Variants in ADCY9 observed in about 807,000 individuals in gnomAD.
ADCY9 encodes adenylate cyclase 9.
A neutral mutation model predicts 101.5 loss-of-function variants in ADCY9; 50 were observed. The ratio of observed to expected loss-of-function variants is 0.49; its 90% CI spans 0.39 to 0.62. The LOEUF is 0.62. Ranked by LOEUF, ADCY9 falls within the 20% of genes least tolerant of loss-of-function variation. ADCY9 has a pLI of 0.00. For synonymous variants in ADCY9, 905 were observed against 769.3 expected (o/e 1.18, Z -2.92); for missense variants, 1,662 against 1,800.4 (o/e 0.92, Z 1.39).
chr16:4,012,772 A>G (rs1418399158), intron 2 of ADCY9, among the ~76,000 whole-genome samples: 1 of 152,228 alleles, frequency 6.6e-6, no homozygotes, highest in Non-Finnish European at 1.5e-5. Flanking sequence ...CACTTTGCAC[A>G]TAGTGGTGAT....
At chr16:4,069,315 A>G (rs985174147) in intron 2 of ADCY9, among the ~76,000 whole-genome samples, 1 of 143,204 alleles carries the variant, frequency 7.0e-6, no homozygotes, top group Non-Finnish European at 1.5e-5. Flanking sequence ...GGGATTGTAC[A>G]TTTAGCCCAC....
At chr16:4,051,662 G>C (rs924240424) in intron 2 of ADCY9, among the ~76,000 whole-genome samples, 1 of 152,144 alleles carries the variant, frequency 6.6e-6, no homozygotes, top group Non-Finnish European at 1.5e-5. Flanking sequence ...AAATGATAAT[G>C]GTAATGAATT....
intron 5 of ADCY9, among the ~76,000 whole-genome samples, chr16:3,990,175 T>C (rs565933429): frequency 2.1e-4 from 32 of 152,104 alleles, no homozygotes; most frequent in Non-Finnish European, 3.5e-4. Context: ...CAGAAGTAAA[T>C]TAGACGAGGC....
In ADCY9 at chr16:4,114,297, G is replaced by C; in HGVS notation, c.1146C>G (p.Phe382Leu). ...CGATCTGCTGCATCTTAAAAGGGCG[G>C]AAGGCTATAGGAGCTTTTTGGATGG... ...KSSIQKAPIA[F>L]RPFKMQQIEE... Residue 382 changes from phenylalanine to leucine, a missense_variant, in exon 2 of 11, where the codon TTC becomes TTG. By Grantham distance (22) the Phe-to-Leu change is conservative (BLOSUM62 0). This residue lies in a region of ADCY9 where 228 missense variants were observed against 301.1 expected (regional missense o/e 0.76). Coordinates refer to ENST00000294016, the MANE Select transcript of ADCY9 (RefSeq NM_001116.4). The surrounding 1 kb of genome is among the most constrained non-coding windows in gnomAD (Gnocchi z 4.3). 6.2e-7 allele frequency: 1 copy of C among 1,613,970 alleles called. No homozygotes were observed. Among genetic ancestry groups the C allele is most frequent in the Non-Finnish European group, 8.5e-7 (1 of 1,180,040 alleles).
chr16:4,033,466 G>T (rs1307982450), intron 2 of ADCY9, among the ~76,000 whole-genome samples: 1 of 135,256 alleles, frequency 7.4e-6, no homozygotes, highest in Non-Finnish European at 1.5e-5. Flanking sequence ...ACGGAGTCTT[G>T]CTCTGTCGCC....
intron 2 of ADCY9, among the ~76,000 whole-genome samples, chr16:4,026,033 A>C (rs996999290): frequency 1.3e-5 from 2 of 152,226 alleles, no homozygotes; most frequent in Admixed American, 6.5e-5. Flanking sequence ...GAAGTAAGGC[A>C]CTTAACTATT....
At chr16:4,021,307 G>A (rs1283837759) in intron 2 of ADCY9, among the ~76,000 whole-genome samples, 1 of 152,218 alleles carries the variant, frequency 6.6e-6, no homozygotes, top group Non-Finnish European at 1.5e-5. Flanking sequence ...ACAAGGCCAC[G>A]CCGGCAGCAG....
At position 3,979,124 on chromosome 16, in the gene ADCY9, T is replaced by C. The variant is rs372821407; in HGVS notation, c.2671A>G (p.Asn891Asp). Residue 891 changes from asparagine to aspartate, a missense_variant, in exon 8 of 11, where the codon AAC becomes GAC. Physicochemically the swap from Asn to Asp is conservative, Grantham distance 23 (BLOSUM62 1). Around this residue, in one of 5 missense-constraint regions of ADCY9, gnomAD observed 624 missense variants for 639.1 expected, o/e 0.98. Transcript: ENST00000294016. ...YSHVTSEYET[N>D]IHFPVFTGSA... ...GCTGAGCCTTTACTTACGTGTATGTTGGTCTCATATTCGGAGGTGACATGG... is the reference window on the plus strand; with the variant it reads ...GCTGAGCCTTTACTTACGTGTATGTCGGTCTCATATTCGGAGGTGACATGG... 7.0e-5 allele frequency: 113 copies of C among 1,614,226 alleles called. 1 individual carries two copies. Among genetic ancestry groups the C allele is most frequent in the South Asian group, 4.4e-4 (40 of 91,088 alleles).
In ADCY9 at chr16:3,963,143, T is replaced by TAC. The variant is rs1555504954; in HGVS notation, c.*2631_*2632insGT. On this transcript the variant is annotated 3_prime_UTR_variant, in exon 11 of 11. Transcript: ENST00000294016. ...ATATATATATATATATATATATATA[T>TAC]GGATATATAATTCGATCTGAGCTGG... 9.5e-3 allele frequency: 1,495 copies of TAC among 156,978 alleles called. 66 individuals are homozygous for TAC. Among genetic ancestry groups the TAC allele is most frequent in the African/African-American group, 0.033 (1,033 of 31,400 alleles). The allele number at this position is 156,978 out of a possible 1,614,324, so 9.7% of individuals were successfully genotyped here.
At chr16:4,070,863 T>C (rs1214184016) in intron 2 of ADCY9, among the ~76,000 whole-genome samples, 1 of 152,038 alleles carries the variant, frequency 6.6e-6, no homozygotes, top group Non-Finnish European at 1.5e-5. Flanking sequence ...GGAGGATTAC[T>C]TTGAGCCCAG....
chr16:4,005,520 T>G (rs1007561505), intron 3 of ADCY9, among the ~76,000 whole-genome samples: 1 of 152,220 alleles, frequency 6.6e-6, no homozygotes, highest in Non-Finnish European at 1.5e-5. Flanking sequence ...TGAGCCACCA[T>G]GCCCGGCCTT....
At chr16:4,058,304 A>G (rs560781874) in intron 2 of ADCY9, among the ~76,000 whole-genome samples, 3 of 151,912 alleles carry the variant, frequency 2.0e-5, no homozygotes, top group African/African-American at 7.2e-5. Context: ...GTCTCTACTA[A>G]AAATACAAAA....
At chr16:3,995,297 A>T (rs1390400005) in intron 3 of ADCY9, among the ~76,000 whole-genome samples, 1 of 152,112 alleles carries the variant, frequency 6.6e-6, no homozygotes, top group African/African-American at 2.4e-5. Flanking sequence ...GCCTGGTGGC[A>T]TGTGCCTGTA....
chr16:4,016,568 A>G (rs1032206015), intron 2 of ADCY9, among the ~76,000 whole-genome samples: 7 of 152,222 alleles, frequency 4.6e-5, no homozygotes, highest in African/African-American at 1.7e-4. Context: ...TCAAGCACAC[A>G]GTGTAGATGA....
rs549127944 is a variant in ADCY9 at position 4,028,338 on chromosome 16, G to A, written c.1694-20780C>T. Among the ~76,000 whole-genome samples the A allele has an allele frequency of 8.5e-5, 13 of 152,240 alleles. No homozygotes were observed. In the South Asian group the frequency reaches 1.0e-3, roughly 12 times the overall value. On this transcript the variant is annotated intron_variant, in intron 2 of 10. Coordinates refer to ENST00000294016, the MANE Select transcript of ADCY9 (RefSeq NM_001116.4). The stretch of plus-strand genomic sequence containing the variant: ...CAGCTCTGTTTATTACAGCCAAGAC[G>A]TGGGAATAATCCACGTGTCCAGCAG...
chr16:3,962,189 TGACTTTAAACA>T (rs2055944294), downstream of ADCY9, among the ~76,000 whole-genome samples: 1 of 152,162 alleles, frequency 6.6e-6, no homozygotes, highest in Non-Finnish European at 1.5e-5. Flanking sequence ...AGAGGCTCTA[TGACTTTAAACA>T]GATTCTGAAG....
chr16:4,031,422 C>G (rs1363261866), intron 2 of ADCY9, among the ~76,000 whole-genome samples: 1 of 152,164 alleles, frequency 6.6e-6, no homozygotes, highest in South Asian at 2.1e-4. Flanking sequence ...GGTTCTTGCA[C>G]AAATGTGTGT....
At chr16:4,088,110 C>T (rs2056951559) in intron 2 of ADCY9, among the ~76,000 whole-genome samples, 1 of 151,656 alleles carries the variant, frequency 6.6e-6, no homozygotes. Flanking sequence ...ATACCTTGAT[C>T]TCATGGAGGA....
intron 2 of ADCY9, among the ~76,000 whole-genome samples, chr16:4,017,381 A>G (rs1047815866): frequency 6.7e-6 from 1 of 150,164 alleles, no homozygotes; most frequent in Non-Finnish European, 1.5e-5. Flanking sequence ...ATGGTGGCTC[A>G]CACCTGTAAT....
Sources: gnomAD v4.1 joint callset for allele counts (sites outside exome capture counted in the v4.1 genomes callset) on GRCh38, gnomAD v4.1.1 for gene constraint, gnomAD v4.1.1 regional missense constraint, Gnocchi (gnomAD v3.1) non-coding constraint, MANE v1.5 for transcripts, NCBI Gene and HGNC (gene_info 2026-07-23, HGNC 2026-07-21) for gene names.